Variants in LRRC7 observed in about 807,000 individuals in gnomAD.
LRRC7 encodes leucine rich repeat containing 7, also known as leucine-rich repeat-containing protein 7.
LRRC7 carries 23 observed loss-of-function variants against 175.7 expected under a neutral mutation model. That is an observed-to-expected ratio of 0.13 (90% CI 0.09 to 0.19). The LOEUF is 0.19. LRRC7 is among the 10% of genes least tolerant of loss of function. The pLI is 1.00. For synonymous variants in LRRC7, 685 were observed against 680.9 expected (o/e 1.01, Z -0.09); for missense variants, 1,354 against 1,904.7 (o/e 0.71, Z 5.38).
intron 7 of LRRC7, among the ~76,000 whole-genome samples, chr1:69,889,819 G>A (rs1286312758): frequency 2.0e-5 from 3 of 151,042 alleles, no homozygotes; most frequent in African/African-American, 7.4e-5. Context: ...GTAGAGTAAG[G>A]AGATAGAGAA....
chr1:69,783,753 C>CAAAA (rs10712087), intron 3 of LRRC7, among the ~76,000 whole-genome samples: 17 of 84,720 alleles, frequency 2.0e-4, no homozygotes, highest in East Asian at 1.7e-3. Flanking sequence ...CTCCCCATCT[C>CAAAA]AAAAAAAAAA....
chr1:70,127,791 C>T lies in LRRC7; in HGVS notation c.*5904C>T, dbSNP rs1401272363. Among the ~76,000 whole-genome samples the T allele has an allele frequency of 6.6e-6, 1 of 152,176 alleles. No homozygotes were observed. Among genetic ancestry groups the T allele is most frequent in the African/African-American group, 2.4e-5 (1 of 41,430 alleles). On this transcript the variant is annotated 3_prime_UTR_variant, in exon 27 of 27. Coordinates refer to ENST00000651989, the MANE Select transcript of LRRC7 (RefSeq NM_001370785.2). ...AAGGTGGAAGGTTGTGAAATTCACG[C>T]AGCATTTATGTAAACATTCCATGAC... is the stretch of plus-strand genomic sequence containing the variant.
intron 18 of LRRC7, among the ~76,000 whole-genome samples, chr1:70,034,084 A>G (rs983843332): frequency 6.6e-6 from 1 of 152,162 alleles, no homozygotes; most frequent in African/African-American, 2.4e-5. Flanking sequence ...AAATATAAAA[A>G]TAGAAATAGG....
At chr1:69,619,445 T>G (rs1356080407) in intron 1 of LRRC7, among the ~76,000 whole-genome samples, 2 of 152,146 alleles carry the variant, frequency 1.3e-5, no homozygotes, top group Non-Finnish European at 2.9e-5. Context: ...TCATTCTGCA[T>G]GAAGAAATGG....
chr1:70,039,109 G>C lies in LRRC7; in HGVS notation c.3285G>C (p.Glu1095Asp). The change falls in exon 21 of 27, where the codon GAG becomes GAC. Residue 1095 changes from glutamate to aspartate, a missense_variant. Around this residue, in one of 4 missense-constraint regions of LRRC7, gnomAD observed 1,032 missense variants for 1,227.2 expected, o/e 0.84. Coordinates refer to ENST00000651989, the MANE Select transcript of LRRC7 (RefSeq NM_001370785.2). ...CACCCCCTTTTCAACACAATCCCGA[G>C]TACGTGCAACAGGCCAGCAAAAACA... is the stretch of plus-strand genomic sequence containing the variant. ...RIPPPFQHNP[E>D]YVQQASKNIA... is the part of the protein sequence containing the mutation. The C allele has an allele frequency of 6.2e-7, 1 of 1,614,102 alleles. No individual in the cohort carries two copies. Among genetic ancestry groups the C allele is most frequent in the Non-Finnish European group, 8.5e-7 (1 of 1,180,014 alleles).
At chr1:69,781,790 G>A (rs66504103) in intron 3 of LRRC7, among the ~76,000 whole-genome samples, 1,415 of 18,378 alleles carry the variant, frequency 0.077, 53 homozygotes, top group East Asian at 0.093. Context: ...AGAAAGAAAG[G>A]AAGGAAGGAA....
chr1:69,803,155 A>G (rs1219914147), intron 4 of LRRC7, among the ~76,000 whole-genome samples: 1 of 151,368 alleles, frequency 6.6e-6, no homozygotes, highest in Non-Finnish European at 1.5e-5. Flanking sequence ...TGTTCTAATC[A>G]CTATAATCTA....
Position 69,574,437 on chromosome 1 carries a change from A to G in LRRC7, c.2+5796A>G, listed in dbSNP as rs148519385. On this transcript the variant is annotated intron_variant, in intron 1 of 26. Transcript: ENST00000651989. ...ATAAGAATACTCTGGTGTAGTGGCAAAATACTTTATAGATGCTTGGCTGTA... is the reference window on the plus strand; with the variant it reads ...ATAAGAATACTCTGGTGTAGTGGCAGAATACTTTATAGATGCTTGGCTGTA... Among the ~76,000 whole-genome samples the G allele has an allele frequency of 1.4e-3, 219 of 152,232 alleles. 1 individual carries two copies. The highest frequency in any genetic ancestry group is 4.9e-3 in the African/African-American group (204 of 41,550).
chr1:69,568,154 C>T lies in LRRC7; in HGVS notation c.-486C>T, dbSNP rs1245070. 0.14 allele frequency among the ~76,000 whole-genome samples: 22,047 copies of T among 152,106 alleles called. 2,011 individuals carry two copies. Among genetic ancestry groups the T allele is most frequent in the Non-Finnish European group, 0.2 (13,334 of 67,974 alleles). On this transcript the variant is annotated 5_prime_UTR_variant, in exon 1 of 27. Coordinates refer to ENST00000651989, the MANE Select transcript of LRRC7 (RefSeq NM_001370785.2). ...TGGGGATCCTCGCCCTGCACAGGCGCGGCAACGGGCAGGGGTTGTTACGGA... is the reference window on the plus strand; with the variant it reads ...TGGGGATCCTCGCCCTGCACAGGCGTGGCAACGGGCAGGGGTTGTTACGGA...
At chr1:69,625,051 A>G (rs1290126413) in intron 1 of LRRC7, among the ~76,000 whole-genome samples, 1 of 152,104 alleles carries the variant, frequency 6.6e-6, no homozygotes, top group Non-Finnish European at 1.5e-5. Flanking sequence ...TATTGAGAAA[A>G]TTTGTATAAG....
intron 7 of LRRC7, among the ~76,000 whole-genome samples, chr1:69,896,473 G>A (rs1287968779): frequency 6.6e-6 from 1 of 152,062 alleles, no homozygotes; most frequent in Non-Finnish European, 1.5e-5. Flanking sequence ...CAGATGGTCA[G>A]TATATGAAAA....
intron 25 of LRRC7, among the ~76,000 whole-genome samples, chr1:70,091,942 A>T (rs1342077388): frequency 6.6e-6 from 1 of 152,162 alleles, no homozygotes; most frequent in Admixed American, 6.6e-5. Context: ...CTACAGAAGA[A>T]TCTCAATACT....
intron 23 of LRRC7, among the ~76,000 whole-genome samples, chr1:70,066,707 G>A (rs1016739415): frequency 1.3e-5 from 2 of 152,030 alleles, no homozygotes; most frequent in Non-Finnish European, 2.9e-5. Flanking sequence ...GCACCTTTTT[G>A]TGTGAACCTA....
intron 3 of LRRC7, among the ~76,000 whole-genome samples, chr1:69,769,057 A>G (rs1034157063): frequency 1.3e-5 from 2 of 152,204 alleles, no homozygotes; most frequent in African/African-American, 4.8e-5. Flanking sequence ...AATAACCAAC[A>G]ATAGAAGGAA....
intron 8 of LRRC7, among the ~76,000 whole-genome samples, chr1:69,967,834 G>C (rs1570841842): frequency 6.6e-6 from 1 of 152,078 alleles, no homozygotes. Flanking sequence ...CCCTTCAACA[G>C]AGCCTACCCA....
chr1:69,676,106 T>A (rs546124314), intron 1 of LRRC7, among the ~76,000 whole-genome samples: 41 of 152,038 alleles, frequency 2.7e-4, no homozygotes, highest in African/African-American at 8.7e-4. Context: ...GAAGACTTTT[T>A]TTAAGCCCCA....
chr1:69,946,595 A>G (rs1331220904), intron 8 of LRRC7, among the ~76,000 whole-genome samples: 2 of 151,766 alleles, frequency 1.3e-5, no homozygotes, highest in South Asian at 2.1e-4. Context: ...TCGGGTTTGC[A>G]TATATTTATA....
intron 7 of LRRC7, among the ~76,000 whole-genome samples, chr1:69,912,558 C>T (rs1646563708): frequency 6.6e-6 from 1 of 152,190 alleles, no homozygotes. Context: ...CCCCCACCCT[C>T]AGAAATAATG....
chr1:69,695,013 A>G (rs1345195357), intron 2 of LRRC7, among the ~76,000 whole-genome samples: 1 of 152,208 alleles, frequency 6.6e-6, no homozygotes. Context: ...TCGGAACTGG[A>G]TAATAGGCAG....
Sources: gnomAD v4.1 joint callset for allele counts (sites outside exome capture counted in the v4.1 genomes callset) on GRCh38, gnomAD v4.1.1 for gene constraint, gnomAD v4.1.1 regional missense constraint, MANE v1.5 for transcripts, NCBI Gene and HGNC (gene_info 2026-07-23, HGNC 2026-07-21) for gene names.